Variants in PI4KA observed in about 807,000 individuals in gnomAD.
PI4KA encodes the protein phosphatidylinositol 4-kinase alpha.
Under a neutral mutation model 271.4 loss-of-function variants are expected in PI4KA, and 122 were observed. The ratio of observed to expected loss-of-function variants is 0.45; its 90% CI spans 0.39 to 0.52. PI4KA has a LOEUF of 0.52. Ranked by LOEUF, PI4KA falls within the 20% of genes least tolerant of loss-of-function variation. The pLI is 0.00. For synonymous variants in PI4KA, 1,041 were observed against 1,078.8 expected, an observed-to-expected ratio of 0.96 and a Z score of 0.69; for missense variants, 1,969 against 2,769.1, an observed-to-expected ratio of 0.71 and a Z score of 6.48.
intron 7 of PI4KA, among the ~76,000 whole-genome samples, chr22:20,816,631 C>CAAAAAAAAG (rs1555902754): frequency 6.6e-6 from 1 of 151,418 alleles, no homozygotes; most frequent in Non-Finnish European, 1.5e-5. Flanking sequence ...GACCCCAACT[C>CAAAAAAAAG]AAAAAAAAGA....
At chr22:20,833,543 A>G (rs573923583) in intron 3 of PI4KA, among the ~76,000 whole-genome samples, 155 of 152,158 alleles carry the variant, frequency 1.0e-3, no homozygotes, top group African/African-American at 3.5e-3. Context: ...ACCTCTGTGC[A>G]TGCGTTCATG....
At chr22:20,789,060 T>A (rs1934461638) in intron 19 of PI4KA, among the ~76,000 whole-genome samples, 1 of 152,098 alleles carries the variant, frequency 6.6e-6, no homozygotes, top group Non-Finnish European at 1.5e-5. Flanking sequence ...GTACACCCAC[T>A]CAGAATCTCT....
chr22:20,814,053 C>T (rs902764552), intron 7 of PI4KA, among the ~76,000 whole-genome samples: 1 of 152,202 alleles, frequency 6.6e-6, no homozygotes, highest in Admixed American at 6.5e-5. Context: ...CCTGTCTCGG[C>T]CTCCCAAAGT....
At chr22:20,852,189 T>C (rs1045287407) in intron 1 of PI4KA, among the ~76,000 whole-genome samples, 3 of 152,182 alleles carry the variant, frequency 2.0e-5, no homozygotes, top group African/African-American at 7.2e-5. Flanking sequence ...TTTCAGCAAC[T>C]GACGTCAATG....
At position 20,804,353 on chromosome 22, in the gene PI4KA, T is replaced by C; in HGVS notation, c.1408A>G (p.Thr470Ala). Residue 470 changes from threonine to alanine, a missense_variant, in exon 12 of 55, where the codon ACG (threonine) becomes GCG (alanine). Thr to Ala is a moderately conservative substitution (Grantham distance 58). This residue lies in a region of PI4KA where 228 missense variants were observed against 261.6 expected (regional missense o/e 0.87). Transcript: ENST00000255882. ...TGAGCAATAATGACTTTGCTGGACG[T>C]CTTGGACTGCAGCTTCTCAGATAGC... is the stretch of plus-strand genomic sequence containing the variant. Reference protein sequence around the residue: ...IKLSEKLQSKTSSKVIIAHLP... With the variant: ...IKLSEKLQSKASSKVIIAHLP... 1 of 1,614,060 alleles carries C rather than the reference T, an allele frequency of 6.2e-7. No individual in the cohort carries two copies. Among genetic ancestry groups the C allele is most frequent in the Non-Finnish European group, 8.5e-7 (1 of 1,179,936 alleles).
intron 23 of PI4KA, among the ~76,000 whole-genome samples, chr22:20,758,459 C>CTTTTTT (rs35401829): frequency 0.011 from 931 of 84,604 alleles, no homozygotes; most frequent in East Asian, 0.018. Context: ...TCTTTCTTTT[C>CTTTTTT]TTTTTTTTTT....
chr22:20,777,789 A>C (rs993129012), intron 19 of PI4KA, among the ~76,000 whole-genome samples: 1 of 152,254 alleles, frequency 6.6e-6, no homozygotes, highest in South Asian at 2.1e-4. Context: ...GTTAATAACC[A>C]GGAAGTAAGC....
chr22:20,750,199 A>G (rs1220247357), intron 27 of PI4KA, among the ~76,000 whole-genome samples: 2 of 152,206 alleles, frequency 1.3e-5, no homozygotes, highest in Non-Finnish European at 2.9e-5. Flanking sequence ...TCCTGATCCA[A>G]TCTGGCCAGT....
At chr22:20,744,043 G>A (rs1354954172) in intron 30 of PI4KA, among the ~76,000 whole-genome samples, 1 of 152,146 alleles carries the variant, frequency 6.6e-6, no homozygotes, top group Non-Finnish European at 1.5e-5. Context: ...AACAGAACGA[G>A]ACTCTGTCTC....
chr22:20,752,051 G>A (rs961968067), intron 25 of PI4KA, among the ~76,000 whole-genome samples: 1 of 152,198 alleles, frequency 6.6e-6, no homozygotes, highest in African/African-American at 2.4e-5. Flanking sequence ...ACTTTCCAAA[G>A]CAATCCTCTT....
chr22:20,732,753 G>A (rs1447089214), intron 36 of PI4KA, among the ~76,000 whole-genome samples: 7 of 152,224 alleles, frequency 4.6e-5, no homozygotes, highest in African/African-American at 1.7e-4. Flanking sequence ...AGTCTGCTCA[G>A]CTGCCTCGGG....
chr22:20,837,856 C>T (rs956403694), intron 2 of PI4KA, among the ~76,000 whole-genome samples: 2 of 152,048 alleles, frequency 1.3e-5, no homozygotes, highest in East Asian at 3.8e-4. Context: ...ACGTGGTTCA[C>T]GCCTGTAATC....
At chr22:20,742,400 A>C (rs1400740008) in intron 31 of PI4KA, 45 bp from the exon 32 acceptor site, 1 of 1,600,366 alleles carries the variant, frequency 6.2e-7, no homozygotes, top group South Asian at 1.1e-5. Context: ...ACAACAGCTG[A>C]ACCCCAAAAC....
At chr22:20,801,848 T>C in intron 14 of PI4KA, 125 bp downstream of exon 14, 2 of 1,052,072 alleles carry the variant, frequency 1.9e-6, no homozygotes, top group South Asian at 1.6e-5. Flanking sequence ...ATTGTGCCAC[T>C]GCATTCCAGC....
chr22:20,840,213 T>C (rs961312923), intron 1 of PI4KA, among the ~76,000 whole-genome samples: 1 of 152,240 alleles, frequency 6.6e-6, no homozygotes, highest in Admixed American at 6.5e-5. Flanking sequence ...AAGACAACTT[T>C]TGATAATGTG....
At chr22:20,783,250 CCAA>C (rs1180917534) in intron 19 of PI4KA, among the ~76,000 whole-genome samples, 3 of 152,066 alleles carry the variant, frequency 2.0e-5, no homozygotes, top group African/African-American at 7.2e-5. Flanking sequence ...ATGGCATCAC[CCAA>C]ATGTCTTGTT....
chr22:20,778,779 T>G (rs545335954), intron 19 of PI4KA, among the ~76,000 whole-genome samples: 1 of 152,280 alleles, frequency 6.6e-6, no homozygotes, highest in African/African-American at 2.4e-5. Context: ...GAGGTTTCCC[T>G]GACTCTCTGG....
At chr22:20,826,329 C>T (rs942368048) in intron 3 of PI4KA, among the ~76,000 whole-genome samples, 2 of 151,910 alleles carry the variant, frequency 1.3e-5, no homozygotes, top group Admixed American at 1.3e-4. Context: ...GGTGACAGAG[C>T]GAGATCGTCT....
At chr22:20,835,200 A>C (rs1924704350) in intron 2 of PI4KA, among the ~76,000 whole-genome samples, 1 of 151,894 alleles carries the variant, frequency 6.6e-6, no homozygotes, top group African/African-American at 2.4e-5. Context: ...CAGACTTTAT[A>C]GCCAACTTTA....
Sources: allele counts gnomAD v4.1 joint callset (sites outside exome capture counted in the v4.1 genomes callset), GRCh38; gene constraint gnomAD v4.1.1; regional missense constraint gnomAD v4.1.1; transcripts MANE v1.5; gene names NCBI Gene and HGNC (gene_info 2026-07-23, HGNC 2026-07-21).